The following TTC29 variants were observed in gnomAD, a reference collection of about 807,000 sequenced individuals.
TTC29 encodes the protein tetratricopeptide repeat protein 29.
TTC29 carries 49 observed loss-of-function variants against 58.1 expected under a neutral mutation model. The ratio of observed to expected loss-of-function variants is 0.84; its 90% confidence interval spans 0.67 to 1.07. TTC29 has a LOEUF of 1.07. TTC29 is among the 50% of genes least tolerant of loss of function. The pLI is 0.00. For missense variants in TTC29, 582 were observed against 555.6 expected, an observed-to-expected ratio of 1.05 and a Z score of -0.48; for synonymous variants, 209 against 196.8, an observed-to-expected ratio of 1.06 and a Z score of -0.52.
At chr4:146,823,500 G>T (rs1426206133) in intron 9 of TTC29, among the ~76,000 whole-genome samples, 4 of 150,810 alleles carry the variant, frequency 2.7e-5, no homozygotes, top group Non-Finnish European at 4.5e-5. Context: ...TGTTTTGGTT[G>T]TAGCCTTGTA....
In TTC29 at chr4:146,888,444, T is replaced by G. The variant is rs189134541; in HGVS notation, c.587-13516A>C. On this transcript the variant is annotated intron_variant, in intron 6 of 12. Transcript: ENST00000325106. ...GCTTCCTATGCTGGTCTGCCTGAGG[T>G]CATTCACCAGTTTTACATGGGGATT... Among the ~76,000 whole-genome samples, 10 of 152,142 alleles carry G rather than the reference T, an allele frequency of 6.6e-5. No individual in the cohort carries two copies. In the East Asian group the frequency reaches 1.9e-3, roughly 29 times the overall value.
chr4:146,708,343 T>TATATATATATATATATATAC (rs2149986003), intron 11 of TTC29, among the ~76,000 whole-genome samples: 1 of 41,666 alleles, frequency 2.4e-5, no homozygotes, highest in East Asian at 9.4e-4. Flanking sequence ...TATATATATA[T>TATATATATATATATATATAC]ATATATATAT....
At chr4:146,790,595 C>T (rs183376283) in intron 11 of TTC29, among the ~76,000 whole-genome samples, 280 of 152,152 alleles carry the variant, frequency 1.8e-3, no homozygotes, top group African/African-American at 6.3e-3. Flanking sequence ...CATTCCTATG[C>T]TTAAGTAATT....
intron 4 of TTC29, among the ~76,000 whole-genome samples, chr4:146,921,632 G>T (rs531806327): frequency 6.6e-6 from 1 of 150,664 alleles, no homozygotes; most frequent in South Asian, 2.1e-4. Context: ...ATAGCAGGTG[G>T]GAAACAATGC....
intron 11 of TTC29, among the ~76,000 whole-genome samples, chr4:146,715,221 A>G (rs982368274): frequency 1.3e-5 from 2 of 152,142 alleles, no homozygotes; most frequent in Non-Finnish European, 2.9e-5. Context: ...AAAACTATAA[A>G]ACTAGAACTA....
intron 4 of TTC29, among the ~76,000 whole-genome samples, chr4:146,917,606 A>AG (rs1734313988): frequency 9.3e-6 from 1 of 107,708 alleles, no homozygotes; most frequent in African/African-American, 3.9e-5. Flanking sequence ...ATTATATATT[A>AG]TTTATAATAT....
At chr4:146,846,732 C>CCA (rs879411358) in intron 8 of TTC29, among the ~76,000 whole-genome samples, 1 of 152,156 alleles carries the variant, frequency 6.6e-6, no homozygotes, top group Non-Finnish European at 1.5e-5. Flanking sequence ...GAACTGATTA[C>CCA]CATGAGGAAA....
intron 2 of TTC29, among the ~76,000 whole-genome samples, chr4:146,940,357 T>TTTC (rs1189436864): frequency 6.6e-6 from 1 of 152,210 alleles, no homozygotes; most frequent in African/African-American, 2.4e-5. Context: ...AAATAAAGGC[T>TTTC]TTCCCTTAGA....
intron 4 of TTC29, among the ~76,000 whole-genome samples, chr4:146,921,222 A>G (rs977352704): frequency 1.3e-5 from 2 of 151,384 alleles, no homozygotes; most frequent in Non-Finnish European, 3.0e-5. Flanking sequence ...GTATATATAA[A>G]AGATCTTGTA....
chr4:146,919,899 G>A (rs559161878), intron 4 of TTC29, among the ~76,000 whole-genome samples: 8 of 151,094 alleles, frequency 5.3e-5, no homozygotes, highest in Admixed American at 1.3e-4. Flanking sequence ...GAAAACTTCA[G>A]CTCACTGCAT....
intron 11 of TTC29, among the ~76,000 whole-genome samples, chr4:146,791,311 T>A (rs979763019): frequency 6.6e-6 from 1 of 152,214 alleles, no homozygotes; most frequent in Non-Finnish European, 1.5e-5. Context: ...ACTCACTTAG[T>A]TCCTCTGTGT....
intron 11 of TTC29, among the ~76,000 whole-genome samples, chr4:146,728,826 C>CGTTT: frequency 1.1e-5 from 1 of 91,772 alleles, no homozygotes; most frequent in East Asian, 3.1e-4. Flanking sequence ...TGTATATATA[C>CGTTT]ATATATATAC....
chr4:146,890,717 C>A (rs1363046442), intron 6 of TTC29, among the ~76,000 whole-genome samples: 1 of 152,224 alleles, frequency 6.6e-6, no homozygotes, highest in East Asian at 1.9e-4. Context: ...ACATAGAGGG[C>A]CTGGGCTTTG....
At chr4:146,883,295 G>A (rs1212718682) in intron 6 of TTC29, among the ~76,000 whole-genome samples, 2 of 152,048 alleles carry the variant, frequency 1.3e-5, no homozygotes, top group African/African-American at 4.8e-5. Context: ...AGCTCCAGAT[G>A]TAGTTGCAAC....
chr4:146,791,514 C>T (rs945522277), intron 11 of TTC29, among the ~76,000 whole-genome samples: 1 of 152,132 alleles, frequency 6.6e-6, no homozygotes, highest in Non-Finnish European at 1.5e-5. Context: ...ACTGACCAGC[C>T]ATTCCCCTGT....
At chr4:146,742,576 ACTTCCTTCCTTCC>A (rs1248441536) in intron 11 of TTC29, among the ~76,000 whole-genome samples, 2 of 62,118 alleles carry the variant, frequency 3.2e-5, no homozygotes, top group Non-Finnish European at 7.4e-5. Flanking sequence ...TCCCTCACCC[ACTTCCTTCCTTCC>A]CTCCCTTCCT....
chr4:146,910,090 T>A (rs1733796648), intron 4 of TTC29, among the ~76,000 whole-genome samples: 2 of 152,228 alleles, frequency 1.3e-5, no homozygotes, highest in South Asian at 4.1e-4. Flanking sequence ...TATAGCTTTA[T>A]ACTAATTATA....
At chr4:146,786,944 C>A (rs1413490544) in intron 11 of TTC29, among the ~76,000 whole-genome samples, 1 of 151,776 alleles carries the variant, frequency 6.6e-6, no homozygotes, top group Non-Finnish European at 1.5e-5. Context: ...AAAAACCCCA[C>A]CTCTACCAAA....
intron 4 of TTC29, among the ~76,000 whole-genome samples, chr4:146,916,226 A>T (rs1734212783): frequency 6.6e-6 from 1 of 151,684 alleles, no homozygotes; most frequent in East Asian, 1.9e-4. Context: ...ACACCTACTA[A>T]CTGATAAAAA....
Sources: allele counts gnomAD v4.1 joint callset (sites outside exome capture counted in the v4.1 genomes callset), GRCh38; gene constraint gnomAD v4.1.1; transcripts MANE v1.5; gene names NCBI Gene and HGNC (gene_info 2026-07-23, HGNC 2026-07-21).